Variants in MOB1B observed in about 807,000 individuals in gnomAD.
MOB1B encodes the protein MOB kinase activator 1B.
Under a neutral mutation model 24.4 loss-of-function variants are expected in MOB1B, and 19 were observed. That is an observed-to-expected ratio of 0.78 (90% confidence interval 0.54 to 1.14). The LOEUF (loss-of-function observed/expected upper bound fraction) is 1.14. MOB1B is among the 50% of genes most tolerant of loss of function. The pLI is 0.00. For synonymous variants in MOB1B, 76 were observed against 82.1 expected (o/e 0.93, Z 0.40); for missense variants, 243 against 259.6 (o/e 0.94, Z 0.44).
Position 70,902,512 on chromosome 4 carries a change from GC to G in MOB1B, c.-23del. 6.4e-7 allele frequency: 1 copy of G among 1,560,980 alleles called. No individual in the cohort carries two copies. The highest frequency in any genetic ancestry group is 8.7e-7 in the Non-Finnish European group (1 of 1,153,012). On this transcript the variant is annotated 5_prime_UTR_variant, in exon 1 of 6. Coordinates refer to ENST00000309395, the MANE Select transcript of MOB1B (RefSeq NM_173468.4). ...CGCTCCGAGGCCTCGCGACCGCCGA[GC>G]CTGCAGCCTGCCCCGCGGCCAACAT...
At chr4:70,912,303 G>A (rs1457476924) in intron 1 of MOB1B, among the ~76,000 whole-genome samples, 1 of 140,166 alleles carries the variant, frequency 7.1e-6, no homozygotes, top group Non-Finnish European at 1.6e-5. Context: ...TTTTTGAGAT[G>A]GAGTCTCACT....
At chr4:70,974,832 ATAGAAC>A (rs1173469173) in intron 3 of MOB1B, among the ~76,000 whole-genome samples, 1 of 152,240 alleles carries the variant, frequency 6.6e-6, no homozygotes, top group Non-Finnish European at 1.5e-5. Context: ...AGTAGTCATC[ATAGAAC>A]TAGGAAGTAA....
chr4:70,926,992 G>A (rs1448798456), intron 1 of MOB1B, among the ~76,000 whole-genome samples: 3 of 106,016 alleles, frequency 2.8e-5, no homozygotes, highest in African/African-American at 6.4e-5. Context: ...GCAAGACTCC[G>A]TCTCAAAAAA....
At chr4:70,958,552 CAA>C (rs1473015201) in intron 1 of MOB1B, 17 of 353,290 alleles carry the variant, frequency 4.8e-5, no homozygotes, top group East Asian at 1.5e-4. Flanking sequence ...AAGAAGGAAA[CAA>C]ATTTATTTTA....
At position 70,939,974 on chromosome 4, in the gene MOB1B, T is replaced by C. The variant is rs1461255002; in HGVS notation, c.15-18900T>C. On this transcript the variant is annotated intron_variant, in intron 1 of 5. Transcript: ENST00000309395. ...GGCCACTGTGTGGCCCAGTGTCTCC[T>C]CCGACTGCCCTAGCCCGTCTCTGCA... is the stretch of plus-strand genomic sequence containing the variant. Among the ~76,000 whole-genome samples, 8 of 152,212 alleles carry C rather than the reference T, an allele frequency of 5.3e-5. 1 individual carries two copies. The highest frequency in any genetic ancestry group is 1.2e-4 in the Non-Finnish European group (8 of 68,030).
intron 1 of MOB1B, among the ~76,000 whole-genome samples, chr4:70,943,374 G>C (rs1405008296): frequency 1.3e-5 from 2 of 152,112 alleles, no homozygotes; most frequent in Non-Finnish European, 2.9e-5. Flanking sequence ...CAAAGAACTG[G>C]GATGACATCC....
rs115347417 is a variant in MOB1B at position 70,963,210 on chromosome 4, A to G, written c.181+4170A>G. ...GCAAGACCCTGTCTCTAAGAAAAGAATAAGTTAGCCGGAGATGTACGTACA... is the reference window on the plus strand; with the variant it reads ...GCAAGACCCTGTCTCTAAGAAAAGAGTAAGTTAGCCGGAGATGTACGTACA... On this transcript the variant is annotated intron_variant, in intron 2 of 5. Coordinates refer to ENST00000309395, the MANE Select transcript of MOB1B (RefSeq NM_173468.4). Among the ~76,000 whole-genome samples, 750 of 152,184 alleles carry G rather than the reference A, an allele frequency of 4.9e-3. 3 individuals are homozygous for G. The highest frequency in any genetic ancestry group is 8.3e-3 in the Non-Finnish European group (566 of 68,000).
rs1176773257 is a variant in MOB1B, at chr4:70,985,545, A to G, written c.*3488A>G. 1 of 151,904 alleles carries G rather than the reference A, an allele frequency of 6.6e-6. No homozygotes were observed. Among genetic ancestry groups the G allele is most frequent in the East Asian group, 1.9e-4 (1 of 5,184 alleles). 9.4% of individuals were successfully genotyped at this position (151,904 alleles called of 1,614,324 possible). ...TTTTTTTTATTTTTATTTCTTTAAG[A>G]TGGAGTCTTGCTCTGTTGCCCGGGC... On this transcript the variant is annotated 3_prime_UTR_variant, in exon 6 of 6. Coordinates refer to ENST00000309395, the MANE Select transcript of MOB1B (RefSeq NM_173468.4).
At chr4:70,975,766 G>C (rs536649559) in intron 4 of MOB1B, 4 of 973,632 alleles carry the variant, frequency 4.1e-6, no homozygotes, top group South Asian at 9.5e-5. Context: ...TCCTATTCTA[G>C]GAACCATGGT....
intron 3 of MOB1B, among the ~76,000 whole-genome samples, chr4:70,970,724 T>A (rs1738718628): frequency 6.6e-6 from 1 of 152,182 alleles, no homozygotes; most frequent in African/African-American, 2.4e-5. Flanking sequence ...ACATTCATTA[T>A]AAGAATATTG....
At chr4:70,952,964 T>C (rs978004087) in intron 1 of MOB1B, among the ~76,000 whole-genome samples, 2 of 140,992 alleles carry the variant, frequency 1.4e-5, no homozygotes, top group Non-Finnish European at 1.5e-5. Context: ...TTTTTTTGAG[T>C]TGGAGTCTCG....
chr4:70,929,812 A>AT (rs1443616788), intron 1 of MOB1B, among the ~76,000 whole-genome samples: 1 of 151,544 alleles, frequency 6.6e-6, no homozygotes, highest in Non-Finnish European at 1.5e-5. Context: ...CGCCCAGCTA[A>AT]TTTTTTGTAT....
intron 4 of MOB1B, chr4:70,976,290 C>G (rs978236489): frequency 2.0e-6 from 2 of 984,476 alleles, no homozygotes; most frequent in Non-Finnish European, 1.2e-6. Flanking sequence ...ACAGTTGTAT[C>G]TACTTATTTA....
chr4:70,969,879 C>T (rs1347638544), intron 2 of MOB1B, 52 bp from the exon 3 acceptor site: 1 of 1,008,256 alleles, frequency 9.9e-7, no homozygotes, highest in Non-Finnish European at 1.5e-6. Flanking sequence ...ATTAAAATTT[C>T]ATTTTAAATT....
intron 1 of MOB1B, among the ~76,000 whole-genome samples, chr4:70,934,087 T>G (rs1167497887): frequency 6.6e-6 from 1 of 152,042 alleles, no homozygotes; most frequent in Non-Finnish European, 1.5e-5. Flanking sequence ...CTTATTTTAT[T>G]TATTTATTTA....
chr4:70,972,926 A>C (rs193069400), intron 3 of MOB1B, among the ~76,000 whole-genome samples: 1,631 of 152,112 alleles, frequency 0.011, 26 homozygotes, highest in African/African-American at 0.038. Flanking sequence ...GGTGCCTGCC[A>C]CCACACCCGG....
chr4:70,958,421 G>A (rs551350685), intron 1 of MOB1B, among the ~76,000 whole-genome samples: 41 of 151,984 alleles, frequency 2.7e-4, no homozygotes, highest in Non-Finnish European at 5.0e-4. Flanking sequence ...GCCTACCTCT[G>A]CCTCAAAGTG....
At chr4:70,972,107 T>G (rs1382936670) in intron 3 of MOB1B, among the ~76,000 whole-genome samples, 5 of 152,142 alleles carry the variant, frequency 3.3e-5, no homozygotes, top group African/African-American at 7.2e-5. Flanking sequence ...AGATGCAGGA[T>G]TGTGCCTAGG....
At chr4:70,933,778 G>A (rs922321445) in intron 1 of MOB1B, among the ~76,000 whole-genome samples, 5 of 151,740 alleles carry the variant, frequency 3.3e-5, no homozygotes, top group African/African-American at 1.2e-4. Flanking sequence ...TCTCAAACTC[G>A]TGACCTTATG....
Sources: gnomAD v4.1 joint callset for allele counts (sites outside exome capture counted in the v4.1 genomes callset) on GRCh38, gnomAD v4.1.1 for gene constraint, MANE v1.5 for transcripts, NCBI Gene and HGNC (gene_info 2026-07-23, HGNC 2026-07-21) for gene names.